The following NF2 variants were observed in gnomAD, a reference collection of about 807,000 sequenced individuals.
NF2 encodes NF2, moesin-ezrin-radixin like (MERLIN) tumor suppressor, also known as merlin.
NF2 carries 8 observed loss-of-function variants against 83.7 expected under a neutral mutation model. That is an observed-to-expected ratio of 0.10 (90% confidence interval 0.06 to 0.17). The LOEUF (loss-of-function observed/expected upper bound fraction) is 0.17, where lower values mean the gene tolerates loss of function less well. NF2 is among the 10% of genes least tolerant of loss of function. The pLI, the probability that NF2 is intolerant of heterozygous loss-of-function variation, is 1.00. For missense variants in NF2, 533 were observed against 744.4 expected (o/e 0.72, Z 3.31); for synonymous variants, 266 against 269.6 (o/e 0.99, Z 0.13).
rs563861313 is a variant in NF2 at position 29,622,845 on chromosome 22, G to A, written c.115-13906G>A. ...TAATTTTTGTATTTTTAGTAGAGACGAAGTTTCACCATGTTGGCCAGGACG... is the reference window on the plus strand; with the variant it reads ...TAATTTTTGTATTTTTAGTAGAGACAAAGTTTCACCATGTTGGCCAGGACG... On this transcript the variant is annotated intron_variant, in intron 1 of 15. Transcript: ENST00000338641. Among the ~76,000 whole-genome samples the A allele has an allele frequency of 1.8e-4, 27 of 151,024 alleles. No individual in the cohort carries two copies. The South Asian group carries it at 5.2e-3, about 29-fold the overall frequency.
intron 5 of NF2, 134 bp downstream of exon 5, chr22:29,654,859 A>T: frequency 1.3e-6 from 1 of 755,182 alleles, no homozygotes; most frequent in Non-Finnish European, 2.3e-6. Context: ...ATCTCCAGTA[A>T]ACAGTGTGGG....
At chr22:29,608,866 C>G in intron 1 of NF2, 1 of 451,418 alleles carries the variant, frequency 2.2e-6, no homozygotes, top group Non-Finnish European at 4.1e-6. Flanking sequence ...ATTGAGGGGA[C>G]TCGTGGGGTA....
In NF2 at chr22:29,670,058, G is replaced by GT. The variant is rs553493220; in HGVS notation, c.999+1613dup. Among the ~76,000 whole-genome samples, 156 of 152,104 alleles carry GT rather than the reference G, an allele frequency of 1.0e-3. 2 individuals are homozygous for GT. The South Asian group carries it at 0.031, about 30-fold the overall frequency. Reference sequence around the variant, plus strand: ...CTGTCACTGAGGCTGGAGTGCAGTGGTGCCATCATAGCTCACTGTAACCTC... The same window carrying GT: ...CTGTCACTGAGGCTGGAGTGCAGTGGTTGCCATCATAGCTCACTGTAACCTC... On this transcript the variant is annotated intron_variant, in intron 10 of 15. Coordinates refer to ENST00000338641, the MANE Select transcript of NF2 (RefSeq NM_000268.4).
chr22:29,638,549 A>G (rs535685047), intron 2 of NF2, among the ~76,000 whole-genome samples: 7 of 152,052 alleles, frequency 4.6e-5, no homozygotes, highest in African/African-American at 1.4e-4. Flanking sequence ...ATGGGGTTTC[A>G]CCATGTTGGC....
At chr22:29,624,290 C>T (rs768263595) in intron 1 of NF2, among the ~76,000 whole-genome samples, 1 of 152,200 alleles carries the variant, frequency 6.6e-6, no homozygotes, top group Non-Finnish European at 1.5e-5. Flanking sequence ...TCACTGCAAC[C>T]TTTGCCTCCC....
chr22:29,682,257 T>C (rs1434942933), intron 15 of NF2, among the ~76,000 whole-genome samples: 1 of 152,182 alleles, frequency 6.6e-6, no homozygotes. Context: ...AATAATGCTC[T>C]GCTCTTAACT....
chr22:29,670,148 G>A (rs1487706939), intron 10 of NF2, among the ~76,000 whole-genome samples: 1 of 152,010 alleles, frequency 6.6e-6, no homozygotes, highest in Non-Finnish European at 1.5e-5. Context: ...ACAAGTGCAT[G>A]CTACCACACC....
Position 29,696,408 on chromosome 22 carries a change from GT to G in NF2, c.*1609del. 4.5e-6 allele frequency: 1 copy of G among 223,558 alleles called. No individual in the cohort carries two copies. Among genetic ancestry groups the G allele is most frequent in the Non-Finnish European group, 8.9e-6 (1 of 111,900 alleles). 13.8% of individuals were successfully genotyped at this position (223,558 alleles called of 1,614,324 possible). On this transcript the variant is annotated 3_prime_UTR_variant, in exon 16 of 16. Coordinates refer to ENST00000338641, the MANE Select transcript of NF2 (RefSeq NM_000268.4). ...AGCCAGGGCCCTTGAGATCCTTCCA[GT>G]TTGGCTGTTATGCAAAGCAGGTGAT... is the stretch of plus-strand genomic sequence containing the variant.
At chr22:29,608,908 G>T in intron 1 of NF2, 2 of 533,674 alleles carry the variant, frequency 3.7e-6, no homozygotes, top group Admixed American at 3.0e-5. Flanking sequence ...GTATGGCATC[G>T]GGCTGCAAGA....
At position 29,655,675 on chromosome 22, in the gene NF2, A is replaced by G. The variant is rs1487106309; in HGVS notation, c.598A>G (p.Arg200Gly). 3.1e-6 allele frequency: 5 copies of G among 1,608,902 alleles called. No homozygotes were observed. The highest frequency in any genetic ancestry group is 4.3e-6 in the Non-Finnish European group (5 of 1,176,432). Residue 200 changes from arginine (R) to glycine (G), a missense_variant and splice_region_variant, in exon 6 of 16, where the codon AGG becomes GGG. Coordinates refer to ENST00000338641, the MANE Select transcript of NF2 (RefSeq NM_000268.4). Reference sequence around the variant, plus strand: ...GTACGCAGAGCACCGAGGCCGAGCCAGGTGAGGCCCATTCATTGTTGGTTT... The same window carrying G: ...GTACGCAGAGCACCGAGGCCGAGCCGGGTGAGGCCCATTCATTGTTGGTTT... The part of the protein sequence containing the change: ...AWYAEHRGRA[R>G]DEAEMEYLKI...
In NF2 at chr22:29,639,161, T is replaced by C. The variant is rs1245477769; in HGVS notation, c.312T>C (p.Asn104=). 6.2e-7 allele frequency: 1 copy of C among 1,614,106 alleles called. No homozygotes were observed. ...FHFLAKFYPE[N]AEEELVQEIT... is the part of the protein sequence containing the mutation. ...TCTTGGCCAAATTTTATCCTGAGAATGCTGAAGAGGAGCTGGTTCAGGAGA... is the reference window on the plus strand; with the variant it reads ...TCTTGGCCAAATTTTATCCTGAGAACGCTGAAGAGGAGCTGGTTCAGGAGA... The change falls in exon 3 of 16, where the codon AAT becomes AAC. Residue 104 remains asparagine, a synonymous_variant. Transcript: ENST00000338641.
At chr22:29,626,190 T>C (rs2065362990) in intron 1 of NF2, among the ~76,000 whole-genome samples, 2 of 148,626 alleles carry the variant, frequency 1.3e-5, no homozygotes, top group South Asian at 2.2e-4. Context: ...AGTCTAACTC[T>C]GTCACCAGGC....
chr22:29,609,004 CG>C, intron 1 of NF2: 1 of 673,190 alleles, frequency 1.5e-6, no homozygotes, highest in Non-Finnish European at 2.8e-6. Flanking sequence ...TTATCTCCAC[CG>C]GAATGTAATG....
chr22:29,692,242 T>C (rs2147162356), intron 15 of NF2, among the ~76,000 whole-genome samples: 1 of 152,322 alleles, frequency 6.6e-6, no homozygotes, highest in Middle Eastern at 3.4e-3. Context: ...CTCTCTCTCC[T>C]GCCCAGTGGC....
chr22:29,642,752 C>T (rs2065846828), intron 4 of NF2, among the ~76,000 whole-genome samples: 2 of 151,958 alleles, frequency 1.3e-5, no homozygotes, highest in Non-Finnish European at 1.5e-5. Flanking sequence ...CAGAAAGGCC[C>T]AGGTCCTCAC....
intron 15 of NF2, among the ~76,000 whole-genome samples, chr22:29,691,706 G>A (rs944829927): frequency 5.3e-5 from 8 of 152,232 alleles, no homozygotes; most frequent in Non-Finnish European, 1.2e-4. Flanking sequence ...TGAGGAGCCT[G>A]CCCACTGGAG....
In NF2 at chr22:29,652,732, T is replaced by C. The variant is rs545980954; in HGVS notation, c.448-1925T>C. Among the ~76,000 whole-genome samples the C allele has an allele frequency of 3.3e-5, 5 of 152,286 alleles. No homozygotes were observed. In the East Asian group the frequency reaches 9.6e-4, roughly 29 times the overall value. On this transcript the variant is annotated intron_variant, in intron 4 of 15. Coordinates refer to ENST00000338641, the MANE Select transcript of NF2 (RefSeq NM_000268.4). ...AGACACAAAAATTTCCAAGGCCACA[T>C]AGCTACTATGTGAAAGATGTAGGAT... is the stretch of plus-strand genomic sequence containing the variant.
intron 14 of NF2, among the ~76,000 whole-genome samples, chr22:29,679,491 T>C (rs2067065247): frequency 6.6e-6 from 1 of 152,232 alleles, no homozygotes; most frequent in African/African-American, 2.4e-5. Flanking sequence ...TGCTATTTTA[T>C]AGTTTGTATT....
chr22:29,610,125 G>A (rs1377832837), intron 1 of NF2, among the ~76,000 whole-genome samples: 1 of 151,668 alleles, frequency 6.6e-6, no homozygotes, highest in Non-Finnish European at 1.5e-5. Flanking sequence ...ATCCTTTGAG[G>A]CCAGGAGCTT....
Sources: allele counts gnomAD v4.1 joint callset (sites outside exome capture counted in the v4.1 genomes callset), GRCh38; gene constraint gnomAD v4.1.1; transcripts MANE v1.5; gene names NCBI Gene and HGNC (gene_info 2026-07-23, HGNC 2026-07-21).